The following ABCB5 variants were observed in gnomAD, a reference collection of about 807,000 sequenced individuals.
ABCB5 encodes ATP-binding cassette sub-family B member 5.
Under a neutral mutation model 144.2 loss-of-function variants are expected in ABCB5, and 155 were observed. The observed-to-expected ratio is 1.08, with a 90% CI of 0.94 to 1.23. ABCB5 has a LOEUF of 1.23. Among genes scored for constraint, ABCB5 ranks in the 50% most tolerant of loss-of-function variants. ABCB5 has a pLI of 0.00. For synonymous variants in ABCB5, 610 were observed against 528.6 expected (o/e 1.15, Z -2.11); for missense variants, 1,830 against 1,520.8 (o/e 1.20, Z -3.38).
chr7:20,674,797 TAATA>T (rs1372361366), intron 14 of ABCB5, among the ~76,000 whole-genome samples: 1 of 140,734 alleles, frequency 7.1e-6, no homozygotes, highest in Non-Finnish European at 1.5e-5. Context: ...CTGTTAGAAC[TAATA>T]AATGAATTCA....
At chr7:20,617,453 A>C (rs2128015008) in intron 1 of ABCB5, among the ~76,000 whole-genome samples, 1 of 152,338 alleles carries the variant, frequency 6.6e-6, no homozygotes. Flanking sequence ...ATATGTTGTC[A>C]GCACTAAGGT....
chr7:20,756,143 A>G lies in ABCB5; in HGVS notation c.*519A>G, dbSNP rs962349814. 4 of 152,802 alleles carry G rather than the reference A, an allele frequency of 2.6e-5. No homozygotes were observed. The highest frequency in any genetic ancestry group is 9.7e-5 in the African/African-American group (4 of 41,430). 9.5% of individuals were successfully genotyped at this position (152,802 alleles called of 1,614,324 possible). On this transcript the variant is annotated 3_prime_UTR_variant, in exon 28 of 28. Coordinates refer to ENST00000404938, the MANE Select transcript of ABCB5 (RefSeq NM_001163941.2). ...CTCAATAAGTATTCACTATTTCTCT[A>G]AATTTTATTCTATTTTTTTGTTGAG...
chr7:20,622,373 A>G (rs1032452466), intron 1 of ABCB5, among the ~76,000 whole-genome samples: 1 of 152,176 alleles, frequency 6.6e-6, no homozygotes, highest in Admixed American at 6.5e-5. Flanking sequence ...CTTCTGTAAA[A>G]GGAAGAATAA....
chr7:20,734,951 T>C (rs1431478631), intron 23 of ABCB5, among the ~76,000 whole-genome samples: 1 of 152,224 alleles, frequency 6.6e-6, no homozygotes, highest in African/African-American at 2.4e-5. Flanking sequence ...TCTCTTTGTG[T>C]TAGTCCCTTT....
Position 20,704,914 on chromosome 7 carries a change from T to A in ABCB5, c.2421+107T>A, listed in dbSNP as rs1045582236. ...GTGAGCTGTGCTGAGATGACCCACATCATTAATGAGGCCAGGTAAGTCTCA... is the reference window on the plus strand; with the variant it reads ...GTGAGCTGTGCTGAGATGACCCACAACATTAATGAGGCCAGGTAAGTCTCA... On this transcript the variant is annotated intron_variant, in intron 20 of 27. Transcript: ENST00000404938. 5 of 817,704 alleles carry A rather than the reference T, an allele frequency of 6.1e-6. No individual in the cohort carries two copies. In the African/African-American group the frequency reaches 7.0e-5, roughly 12 times the overall value. The allele number at this position is 817,704 out of a possible 1,614,324, so 50.7% of individuals were successfully genotyped here.
At chr7:20,660,283 T>C (rs1274169556) in intron 14 of ABCB5, 1 of 985,174 alleles carries the variant, frequency 1.0e-6, no homozygotes, top group Non-Finnish European at 1.2e-6. Flanking sequence ...ATGAAAATAA[T>C]AACAGCTATG....
chr7:20,645,457 CT>C (rs1041354576), intron 7 of ABCB5, among the ~76,000 whole-genome samples: 2 of 152,096 alleles, frequency 1.3e-5, no homozygotes, highest in African/African-American at 4.8e-5. Flanking sequence ...CCGCTGTTCC[CT>C]TTTGTGGAAC....
intron 14 of ABCB5, among the ~76,000 whole-genome samples, chr7:20,677,731 T>C (rs1386944030): frequency 1.3e-5 from 2 of 152,094 alleles, no homozygotes; most frequent in African/African-American, 4.8e-5. Context: ...TCTGTCTCAA[T>C]AATTAATTAA....
intron 20 of ABCB5, among the ~76,000 whole-genome samples, chr7:20,721,737 A>C (rs1482828916): frequency 6.6e-6 from 1 of 152,226 alleles, no homozygotes; most frequent in Non-Finnish European, 1.5e-5. Flanking sequence ...CAAAAATCTC[A>C]TTTTTACAGG....
chr7:20,719,036 T>C (rs1338043111), intron 20 of ABCB5, among the ~76,000 whole-genome samples: 1 of 152,196 alleles, frequency 6.6e-6, no homozygotes, highest in Non-Finnish European at 1.5e-5. Context: ...TGCAGTATAA[T>C]GTACAAGGAA....
In ABCB5 at chr7:20,746,467, T is replaced by C. The variant is rs1367319460; in HGVS notation, c.3429+1029T>C. Among the ~76,000 whole-genome samples the C allele has an allele frequency of 3.9e-5, 6 of 152,330 alleles. No individual in the cohort carries two copies. The East Asian group carries it at 1.2e-3, about 29-fold the overall frequency. On this transcript the variant is annotated intron_variant, in intron 26 of 27. Coordinates refer to ENST00000404938, the MANE Select transcript of ABCB5 (RefSeq NM_001163941.2). ...GAGGCTTTCCCTAAACATCCTATTT[T>C]TAAAAGTCCTCACCAGTCCTATCCC...
chr7:20,746,450 C>T (rs1583467510), intron 26 of ABCB5, among the ~76,000 whole-genome samples: 3 of 152,312 alleles, frequency 2.0e-5, no homozygotes, highest in East Asian at 3.9e-4. Context: ...CAGAGGCTTT[C>T]CCTAAACATC....
intron 14 of ABCB5, chr7:20,667,499 T>G: frequency 1.0e-6 from 1 of 981,982 alleles, no homozygotes. Flanking sequence ...AAATTCTCCT[T>G]AGACTGTGAC....
At position 20,615,844 on chromosome 7, in the gene ABCB5, CAA is replaced by C. The variant is rs1489548769; in HGVS notation, c.-22+9_-22+10del. 6.6e-6 allele frequency: 1 copy of C among 152,098 alleles called. No individual in the cohort carries two copies. Among genetic ancestry groups the C allele is most frequent in the East Asian group, 1.9e-4 (1 of 5,320 alleles). 9.4% of individuals were successfully genotyped at this position (152,098 alleles called of 1,614,324 possible). A position where few individuals can be genotyped will look rare whatever the true frequency, so the allele number is the denominator to read the frequency against. On this transcript the variant is annotated splice_region_variant and intron_variant, in intron 1 of 27. Coordinates refer to ENST00000404938, the MANE Select transcript of ABCB5 (RefSeq NM_001163941.2). ...CAGCATCTAAGGAATTAAAGTAAGTCAAAGCAAAAGTATTAGAGATTATGAAA... is the reference window on the plus strand; with the variant it reads ...CAGCATCTAAGGAATTAAAGTAAGTCAGCAAAAGTATTAGAGATTATGAAA...
Position 20,755,447 on chromosome 7 carries a change from T to C in ABCB5, c.3597T>C (p.Asp1199=). ...DSEKVVQHAL[D]KARTGRTCLV... Reference sequence around the variant, plus strand: ...TCCAGGTGGTTCAGCATGCCCTTGATAAAGCCAGGACGGGAAGGACATGCC... The same window carrying C: ...TCCAGGTGGTTCAGCATGCCCTTGACAAAGCCAGGACGGGAAGGACATGCC... Residue 1199 remains aspartate (D), a synonymous_variant, in exon 28 of 28, where the codon GAT becomes GAC. Coordinates refer to ENST00000404938, the MANE Select transcript of ABCB5 (RefSeq NM_001163941.2). The C allele has an allele frequency of 6.2e-7, 1 of 1,614,176 alleles. No individual in the cohort carries two copies. Among genetic ancestry groups the C allele is most frequent in the Non-Finnish European group, 8.5e-7 (1 of 1,180,030 alleles).
At chr7:20,720,687 T>G (rs1781831070) in intron 20 of ABCB5, among the ~76,000 whole-genome samples, 2 of 152,080 alleles carry the variant, frequency 1.3e-5, no homozygotes, top group Non-Finnish European at 2.9e-5. Context: ...GGCTCACGCC[T>G]GTAATCCCAG....
Position 20,646,175 on chromosome 7 carries a change from T to A in ABCB5, c.981+37T>A, listed in dbSNP as rs753597723. On this transcript the variant is annotated intron_variant, in intron 9 of 27. Transcript: ENST00000404938. ...TTGAGAACAAGGTGTCAGGCCTGGATAATCTTTCCTTACCTAGTTTAGCCA... is the reference window on the plus strand; with the variant it reads ...TTGAGAACAAGGTGTCAGGCCTGGAAAATCTTTCCTTACCTAGTTTAGCCA... The A allele has an allele frequency of 1.0e-5, 16 of 1,568,514 alleles. No homozygotes were observed. The East Asian group carries it at 3.4e-4, about 33-fold the overall frequency.
At chr7:20,688,926 T>G (rs1463604469) in intron 16 of ABCB5, among the ~76,000 whole-genome samples, 1 of 151,476 alleles carries the variant, frequency 6.6e-6, no homozygotes, top group African/African-American at 2.4e-5. Context: ...ACGAGAACAC[T>G]TGGACACAGG....
At chr7:20,654,890 T>C (rs985730239) in intron 13 of ABCB5, among the ~76,000 whole-genome samples, 2 of 152,056 alleles carry the variant, frequency 1.3e-5, no homozygotes, top group African/African-American at 4.8e-5. Context: ...ATCTACAGTC[T>C]GCAAACCTAA....
Sources: gnomAD v4.1 joint callset for allele counts (sites outside exome capture counted in the v4.1 genomes callset) on GRCh38, gnomAD v4.1.1 for gene constraint, MANE v1.5 for transcripts, NCBI Gene and HGNC (gene_info 2026-07-23, HGNC 2026-07-21) for gene names.